Variants in DGKI observed in about 807,000 individuals in gnomAD.
The protein encoded by DGKI is DAG kinase iota.
In DGKI, 55 loss-of-function variants were observed where a neutral mutation model predicts 147.5. The ratio of observed to expected loss-of-function variants is 0.37; its 90% CI spans 0.30 to 0.47. The LOEUF is 0.47. Among genes scored for constraint, DGKI ranks in the 20% least tolerant of loss-of-function variants. The pLI, the probability that DGKI is intolerant of heterozygous loss-of-function variation, is 1.00. For missense variants in DGKI, 1,007 were observed against 1,323.8 expected (o/e 0.76, Z 3.71); for synonymous variants, 469 against 477.1 (o/e 0.98, Z 0.22).
intron 1 of DGKI, chr7:137,722,768 T>G (rs1343056858): frequency 6.9e-7 from 1 of 1,451,496 alleles, no homozygotes. Context: ...TTACCAAAAA[T>G]CAAAGCTATT....
chr7:137,538,843 T>A (rs951547323), intron 20 of DGKI, among the ~76,000 whole-genome samples: 4 of 152,090 alleles, frequency 2.6e-5, no homozygotes, highest in African/African-American at 4.8e-5. Flanking sequence ...GTGAAGAACA[T>A]CAGATTTTAA....
intron 21 of DGKI, among the ~76,000 whole-genome samples, chr7:137,508,337 C>T (rs1305086861): frequency 6.6e-6 from 1 of 150,408 alleles, no homozygotes; most frequent in Non-Finnish European, 1.5e-5. Context: ...CTCCTTTCTC[C>T]TGCCTCAGCC....
chr7:137,787,172 G>T (rs1343604173), intron 1 of DGKI, among the ~76,000 whole-genome samples: 2 of 152,064 alleles, frequency 1.3e-5, no homozygotes, highest in Non-Finnish European at 2.9e-5. Flanking sequence ...ATAATTAGCA[G>T]AATTAACAGA....
In DGKI at chr7:137,718,521, C is replaced by A. The variant is rs139403676; in HGVS notation, c.402-28519G>T. On this transcript the variant is annotated intron_variant, in intron 1 of 32. Transcript: ENST00000614521. Reference sequence around the variant, plus strand: ...TTTTTCTGACTCAGGGCCACTCAAGCGCTTTCTCCTTGGATACGCAAGGCT... The same window carrying A: ...TTTTTCTGACTCAGGGCCACTCAAGAGCTTTCTCCTTGGATACGCAAGGCT... 1.2e-3 allele frequency among the ~76,000 whole-genome samples: 190 copies of A among 152,318 alleles called. 2 individuals are homozygous for A. The highest frequency in any genetic ancestry group is 4.1e-3 in the African/African-American group (170 of 41,566).
At chr7:137,728,370 G>A (rs1794771709) in intron 1 of DGKI, among the ~76,000 whole-genome samples, 1 of 152,180 alleles carries the variant, frequency 6.6e-6, no homozygotes, top group African/African-American at 2.4e-5. Flanking sequence ...AGCTGAGACT[G>A]AGGGATAAAT....
At chr7:137,395,463 T>C in intron 32 of DGKI, 135 bp downstream of exon 32, 1 of 713,650 alleles carries the variant, frequency 1.4e-6, no homozygotes, top group South Asian at 1.8e-5. Context: ...GCACTCTATT[T>C]TTTCCTCCTT....
At chr7:137,472,348 T>TATATATAA (rs1563040218) in intron 23 of DGKI, among the ~76,000 whole-genome samples, 1 of 118,682 alleles carries the variant, frequency 8.4e-6, no homozygotes, top group African/African-American at 4.1e-5. Context: ...CATATAATTA[T>TATATATAA]TATATGTATA....
In DGKI at chr7:137,601,163, C is replaced by T. The variant is rs141088106; in HGVS notation, c.1168-1258G>A. Among the ~76,000 whole-genome samples the T allele has an allele frequency of 3.3e-3, 497 of 151,606 alleles. 3 individuals are homozygous for T. The highest frequency in any genetic ancestry group is 4.6e-3 in the Non-Finnish European group (315 of 67,910). ...GCGGGCACCTGTAGTCCCAGCTACT[C>T]GGGAGGCTGAGGCAGGAGAAGGGCA... On this transcript the variant is annotated intron_variant, in intron 10 of 32. Transcript: ENST00000614521.
intron 1 of DGKI, among the ~76,000 whole-genome samples, chr7:137,779,526 C>A (rs1351252003): frequency 6.6e-6 from 1 of 152,102 alleles, no homozygotes; most frequent in East Asian, 1.9e-4. Flanking sequence ...AATAAGTATG[C>A]TTCAGATTGG....
intron 9 of DGKI, 124 bp downstream of exon 9, chr7:137,609,411 T>C (rs1468406489): frequency 1.6e-5 from 11 of 702,050 alleles, no homozygotes; most frequent in Admixed American, 5.3e-5. Context: ...GGTTAGAGTG[T>C]AGTGAGGAGA....
At chr7:137,563,263 T>C (rs1275910807) in intron 19 of DGKI, among the ~76,000 whole-genome samples, 4 of 151,132 alleles carry the variant, frequency 2.6e-5, no homozygotes, top group African/African-American at 4.9e-5. Flanking sequence ...TCCTTCATCA[T>C]ATAAAGGACA....
chr7:137,464,211 C>T (rs1434030949), intron 26 of DGKI, among the ~76,000 whole-genome samples: 5 of 145,328 alleles, frequency 3.4e-5, no homozygotes, highest in Admixed American at 2.1e-4. Context: ...GAGCCAAGAT[C>T]GCACCACTGC....
intron 3 of DGKI, among the ~76,000 whole-genome samples, chr7:137,665,320 C>A (rs1822597127): frequency 6.6e-6 from 1 of 152,176 alleles, no homozygotes; most frequent in Admixed American, 6.5e-5. Flanking sequence ...CCCACACCAG[C>A]CTCCACTAAG....
intron 1 of DGKI, among the ~76,000 whole-genome samples, chr7:137,788,069 G>A (rs375369755): frequency 1.3e-5 from 2 of 152,070 alleles, no homozygotes; most frequent in South Asian, 4.2e-4. Context: ...AAAATATTTT[G>A]GTCACATCAA....
intron 1 of DGKI, among the ~76,000 whole-genome samples, chr7:137,817,581 C>T (rs942824580): frequency 3.3e-5 from 5 of 152,164 alleles, no homozygotes; most frequent in African/African-American, 1.2e-4. Context: ...TCACCTTCCC[C>T]CAATACAGTC....
intron 23 of DGKI, 128 bp from the exon 24 acceptor site, chr7:137,469,747 C>A: frequency 1.5e-6 from 1 of 665,514 alleles, no homozygotes; most frequent in South Asian, 4.2e-5. Context: ...TTTTTTTTCT[C>A]TAGGAACACA....
At chr7:137,476,894 T>C (rs1436063063) in intron 23 of DGKI, among the ~76,000 whole-genome samples, 1 of 152,230 alleles carries the variant, frequency 6.6e-6, no homozygotes, top group East Asian at 1.9e-4. Context: ...TTACAGCTTC[T>C]AGAGGAATTA....
chr7:137,839,976 T>C (rs1435867137), intron 1 of DGKI, among the ~76,000 whole-genome samples: 1 of 152,140 alleles, frequency 6.6e-6, no homozygotes, highest in Non-Finnish European at 1.5e-5. Context: ...GGAAAGAACA[T>C]TAACATTCAT....
chr7:137,423,451 G>A (rs1760086998), intron 28 of DGKI, among the ~76,000 whole-genome samples: 1 of 152,204 alleles, frequency 6.6e-6, no homozygotes, highest in South Asian at 2.1e-4. Context: ...CTGTAAGCAG[G>A]TCTGATGTGG....
Sources: gnomAD v4.1 joint callset for allele counts (sites outside exome capture counted in the v4.1 genomes callset) on GRCh38, gnomAD v4.1.1 for gene constraint, MANE v1.5 for transcripts, NCBI Gene and HGNC (gene_info 2026-07-23, HGNC 2026-07-21) for gene names.